The following PHF14 variants were observed in gnomAD, a reference collection of about 807,000 sequenced individuals.
The protein encoded by PHF14 is PHD finger protein 14.
A neutral mutation model predicts 117.9 loss-of-function variants in PHF14; 55 were observed. The ratio of observed to expected loss-of-function variants is 0.47; its 90% CI spans 0.38 to 0.58. The LOEUF is 0.58. PHF14 is among the 20% of genes least tolerant of loss of function. The probability of loss-of-function intolerance (pLI) is 0.00; values close to 1 mark genes in which losing one functional copy is unlikely to be tolerated. For synonymous variants in PHF14, 409 were observed against 368.6 expected (o/e 1.11, Z -1.26); for missense variants, 978 against 1,122.2 (o/e 0.87, Z 1.84).
chr7:11,095,977 C>T (rs1461427963), intron 16 of PHF14, among the ~76,000 whole-genome samples: 1 of 152,034 alleles, frequency 6.6e-6, no homozygotes, highest in Non-Finnish European at 1.5e-5. Context: ...GAATTCATAA[C>T]TAGTAATTCT....
intron 4 of PHF14, among the ~76,000 whole-genome samples, chr7:11,005,224 T>G (rs1023446551): frequency 2.0e-5 from 3 of 152,178 alleles, no homozygotes; most frequent in Non-Finnish European, 4.4e-5. Context: ...AAGTCACTGA[T>G]TACAATTACA....
intron 11 of PHF14, 109 bp downstream of exon 11, chr7:11,038,964 G>T: frequency 4.1e-6 from 2 of 492,724 alleles, no homozygotes; most frequent in South Asian, 7.4e-5. Context: ...AATTCTGTTT[G>T]ATCAGGGCCT....
At chr7:11,019,185 C>G (rs775628332) in intron 5 of PHF14, among the ~76,000 whole-genome samples, 3 of 152,128 alleles carry the variant, frequency 2.0e-5, no homozygotes, top group Non-Finnish European at 4.4e-5. Flanking sequence ...AGATACTGGC[C>G]TGTAGTTTTC....
chr7:10,989,589 C>T (rs373386472), intron 3 of PHF14, among the ~76,000 whole-genome samples: 37 of 152,278 alleles, frequency 2.4e-4, no homozygotes, highest in African/African-American at 8.7e-4. Context: ...AGACCCTCTT[C>T]TGAAATTTTA....
At chr7:11,144,827 C>T (rs1788501155) in intron 17 of PHF14, among the ~76,000 whole-genome samples, 1 of 151,348 alleles carries the variant, frequency 6.6e-6, no homozygotes, top group South Asian at 2.1e-4. Flanking sequence ...AACATTTTGC[C>T]AAGTAAAATA....
chr7:11,103,108 A>G, intron 16 of PHF14: 2 of 972,076 alleles, frequency 2.1e-6, no homozygotes, highest in African/African-American at 1.8e-5. Flanking sequence ...TGTTATTTCT[A>G]TTTATAATAT....
chr7:11,049,284 C>T (rs191291558), intron 13 of PHF14, among the ~76,000 whole-genome samples: 7 of 151,862 alleles, frequency 4.6e-5, no homozygotes, highest in African/African-American at 1.7e-4. Context: ...ACCAGCTTGG[C>T]CAACATATAG....
At chr7:11,074,856 C>G (rs112432610) in intron 16 of PHF14, among the ~76,000 whole-genome samples, 2,057 of 152,064 alleles carry the variant, frequency 0.014, 38 homozygotes, top group African/African-American at 0.047. Flanking sequence ...CCTTGTCTTC[C>G]TGTCTTCTTC....
At chr7:10,991,589 C>T (rs1041645568) in intron 4 of PHF14, among the ~76,000 whole-genome samples, 2 of 151,722 alleles carry the variant, frequency 1.3e-5, no homozygotes, top group East Asian at 1.9e-4. Flanking sequence ...GGATTACAGG[C>T]GTAAGCCACC....
intron 16 of PHF14, among the ~76,000 whole-genome samples, chr7:11,070,993 T>G (rs1195593004): frequency 6.6e-6 from 1 of 152,204 alleles, no homozygotes; most frequent in East Asian, 1.9e-4. Flanking sequence ...AACTTAAAAA[T>G]CGTGTATGCT....
At chr7:11,126,720 A>C (rs1787938719) in intron 17 of PHF14, among the ~76,000 whole-genome samples, 1 of 151,814 alleles carries the variant, frequency 6.6e-6, no homozygotes, top group Non-Finnish European at 1.5e-5. Flanking sequence ...CAATGTCCCT[A>C]ATAGGGTAAA....
intron 16 of PHF14, among the ~76,000 whole-genome samples, chr7:11,086,426 A>T (rs1786411874): frequency 6.6e-6 from 1 of 151,994 alleles, no homozygotes; most frequent in African/African-American, 2.4e-5. Context: ...ATTATACTTT[A>T]TGTTATACCT....
chr7:11,154,747 G>A (rs934695499), intron 17 of PHF14, among the ~76,000 whole-genome samples: 2 of 152,110 alleles, frequency 1.3e-5, no homozygotes, highest in Non-Finnish European at 1.5e-5. Flanking sequence ...CCCGTGGGGT[G>A]ACTTGGAGGA....
intron 3 of PHF14, 78 bp from the exon 4 acceptor site, chr7:10,990,625 A>C: frequency 1.2e-6 from 1 of 835,326 alleles, no homozygotes; most frequent in Non-Finnish European, 1.8e-6. Context: ...ATGTTTAAGT[A>C]ATAAAGAATT....
rs1445470040 is a variant in PHF14, at chr7:11,061,966, A to G, written c.2535A>G (p.Glu845=). The G allele has an allele frequency of 6.9e-6, 11 of 1,591,148 alleles. No homozygotes were observed. In the Middle Eastern group the frequency reaches 6.7e-4, roughly 96 times the overall value. ...SFVPEEEKHE[E]RVPRERRQRQ... ...TTTTATTATCCCTTGTATGGCAGGA[A>G]AGAGTTCCTAGAGAGAGAAGACAAA... Residue 845 remains glutamate (E), a splice_region_variant and synonymous_variant, in exon 16 of 18, where the codon GAA becomes GAG. Transcript: ENST00000634607.
chr7:11,096,762 A>T (rs556458859), intron 16 of PHF14, among the ~76,000 whole-genome samples: 2 of 152,312 alleles, frequency 1.3e-5, no homozygotes, highest in South Asian at 4.1e-4. Context: ...CCCACAGGAC[A>T]GTCATGGTGA....
At chr7:11,110,493 A>G (rs1317717911) in intron 16 of PHF14, 4 of 962,646 alleles carry the variant, frequency 4.2e-6, no homozygotes, top group Non-Finnish European at 4.9e-6. Flanking sequence ...CAAAGCACTG[A>G]AATAATACAG....
intron 17 of PHF14, among the ~76,000 whole-genome samples, chr7:11,144,327 G>A (rs1021917221): frequency 4.0e-5 from 6 of 151,762 alleles, no homozygotes; most frequent in African/African-American, 1.2e-4. Flanking sequence ...AAAACTAAAA[G>A]TAGAACTAAC....
At chr7:11,119,691 T>C (rs116190630) in intron 17 of PHF14, among the ~76,000 whole-genome samples, 1,873 of 151,996 alleles carry the variant, frequency 0.012, 28 homozygotes, top group African/African-American at 0.043. Flanking sequence ...GTTCATAATT[T>C]TATAAAATAT....
Sources: gnomAD v4.1 joint callset for allele counts (sites outside exome capture counted in the v4.1 genomes callset) on GRCh38, gnomAD v4.1.1 for gene constraint, MANE v1.5 for transcripts, NCBI Gene and HGNC (gene_info 2026-07-23, HGNC 2026-07-21) for gene names.